Variants in WNT16 observed in about 807,000 individuals in gnomAD.
WNT16 encodes the protein protein Wnt-16.
Under a neutral mutation model 35.4 loss-of-function variants are expected in WNT16, and 20 were observed. The observed-to-expected ratio is 0.56, with a 90% CI of 0.40 to 0.82. The LOEUF is 0.82. Ranked by LOEUF, WNT16 falls within the 40% of genes least tolerant of loss-of-function variation. The pLI is 0.00. For missense variants in WNT16, 461 were observed against 466.0 expected, an observed-to-expected ratio of 0.99 and a Z score of 0.10; for synonymous variants, 180 against 179.2, an observed-to-expected ratio of 1.00 and a Z score of -0.03.
At chr7:121,332,237 C>CGTGTGTGTGTGTGTGTGTGTGTGT (rs56219125) in intron 3 of WNT16, among the ~76,000 whole-genome samples, 9 of 151,248 alleles carry the variant, frequency 6.0e-5, no homozygotes, top group Non-Finnish European at 1.2e-4. Flanking sequence ...AATAAATATA[C>CGTGTGTGTGTGTGTGTGTGTGTGT]GTGTGTGTGT....
At position 121,340,555 on chromosome 7, in the gene WNT16, G is replaced by A. The variant is rs1222820797; in HGVS notation, c.*1210G>A. On this transcript the variant is annotated 3_prime_UTR_variant, in exon 4 of 4. Coordinates refer to ENST00000222462, the MANE Select transcript of WNT16 (RefSeq NM_057168.2). ...ATCAAAAATTTGTGTTATTTCAGCA[G>A]TAAGATTAATTGAATTCTCTTTTCA... 1 of 151,906 alleles carries A rather than the reference G, an allele frequency of 6.6e-6. No individual in the cohort carries two copies. The highest frequency in any genetic ancestry group is 1.5e-5 in the Non-Finnish European group (1 of 67,910). The allele number at this position is 151,906 out of a possible 1,614,324, so 9.4% of individuals were successfully genotyped here.
Position 121,339,180 on chromosome 7 carries a change from C to T in WNT16, c.933C>T (p.Asn311=), listed in dbSNP as rs1339142298. Residue 311 remains asparagine, a synonymous_variant, in exon 4 of 4, where the codon AAC becomes AAT. Coordinates refer to ENST00000222462, the MANE Select transcript of WNT16 (RefSeq NM_057168.2). ...GIPGTQGREC[N]RTSEGADGCN... ...CAGGGACACAAGGCAGAGAATGCAA[C>T]CGTACATCAGAGGGTGCAGATGGCT... The T allele has an allele frequency of 6.2e-7, 1 of 1,614,200 alleles. No individual in the cohort carries two copies. The highest frequency in any genetic ancestry group is 1.7e-5 in the Admixed American group (1 of 60,014).
At position 121,331,785 on chromosome 7, in the gene WNT16, A is replaced by C. The variant is rs1793813628; in HGVS notation, c.454A>C (p.Thr152Pro). ...CATGACAGAGTGTTCCTGTGACACC[A>C]CCTTGCAGAACGGCGGCTCAGCAAG... is the stretch of plus-strand genomic sequence containing the variant. ...GNMTECSCDT[T>P]LQNGGSASEG... is the part of the protein sequence containing the mutation. Residue 152 changes from threonine (T) to proline (P), a missense_variant, in exon 3 of 4, where the codon ACC becomes CCC. Thr to Pro is a conservative substitution (Grantham distance 38, BLOSUM62 -1). Transcript: ENST00000222462. The C allele has an allele frequency of 6.2e-7, 1 of 1,614,082 alleles. No homozygotes were observed. Among genetic ancestry groups the C allele is most frequent in the South Asian group, 1.1e-5 (1 of 91,084 alleles).
In WNT16 at chr7:121,329,575, G is replaced by C; in HGVS notation, c.104G>C (p.Gly35Ala). The C allele has an allele frequency of 6.2e-7, 1 of 1,614,242 alleles. No individual in the cohort carries two copies. The highest frequency in any genetic ancestry group is 8.5e-7 in the Non-Finnish European group (1 of 1,180,030). ...GCGGCCGTGTCTTACAGGTGGTTGG[G>C]CATTGCCTCCTTCGGGGTTCCAGAG... is the stretch of plus-strand genomic sequence containing the variant. ...YGAQGNWMWLGIASFGVPEKL... is the reference protein window; with the variant it reads ...YGAQGNWMWLAIASFGVPEKL... Residue 35 changes from glycine (G) to alanine (A), a missense_variant, in exon 2 of 4, where the codon GGC becomes GCC. Physicochemically the swap from Gly to Ala is moderately conservative, Grantham distance 60 (BLOSUM62 0). Coordinates refer to ENST00000222462, the MANE Select transcript of WNT16 (RefSeq NM_057168.2).
upstream of WNT16, among the ~76,000 whole-genome samples, chr7:121,325,882 A>T (rs1793237086): frequency 6.6e-6 from 1 of 151,872 alleles, no homozygotes; most frequent in African/African-American, 2.4e-5. Context: ...CTCTACACAA[A>T]ATAAAAAATA....
intron 3 of WNT16, among the ~76,000 whole-genome samples, chr7:121,337,977 ATTTT>A (rs1307517770): frequency 6.6e-6 from 1 of 152,168 alleles, no homozygotes; most frequent in Non-Finnish European, 1.5e-5. Context: ...TTTTGAATTA[ATTTT>A]CCAGAAAAGG....
At chr7:121,332,716 C>T (rs1793372547) in intron 3 of WNT16, among the ~76,000 whole-genome samples, 1 of 151,850 alleles carries the variant, frequency 6.6e-6, no homozygotes, top group Admixed American at 6.6e-5. Flanking sequence ...TATTATAAAG[C>T]AATGTAGGTT....
At chr7:121,330,430 G>T (rs1236709162) in intron 2 of WNT16, among the ~76,000 whole-genome samples, 1 of 152,174 alleles carries the variant, frequency 6.6e-6, no homozygotes, top group Non-Finnish European at 1.5e-5. Context: ...CCCGCGGCGC[G>T]GGAAGCTGCA....
chr7:121,331,718 A>T lies in WNT16; in HGVS notation c.387A>T (p.Ala129=). The change falls in exon 3 of 4, where the codon GCA becomes GCT. Residue 129 remains alanine, a synonymous_variant. Transcript: ENST00000222462. ...CATTTATTTATGCTGTGATGGCTGC[A>T]GGCCTGGTGCATTCTGTGACCAGGT... ...ETAFIYAVMA[A]GLVHSVTRSC... is the part of the protein sequence containing the mutation. 1 of 1,614,018 alleles carries T rather than the reference A, an allele frequency of 6.2e-7. No homozygotes were observed. The highest frequency in any genetic ancestry group is 8.5e-7 in the Non-Finnish European group (1 of 1,179,876).
rs115155201 is a variant in WNT16 at position 121,339,056 on chromosome 7, G to C, written c.809G>C (p.Arg270Thr). The C allele has an allele frequency of 1.3e-5, 21 of 1,614,134 alleles. No individual in the cohort carries two copies. Among genetic ancestry groups the C allele is most frequent in the Non-Finnish European group, 1.8e-5 (21 of 1,180,012 alleles). ...SDKTKRKMRRREKDQRKIPIH... is the reference protein window; with the variant it reads ...SDKTKRKMRRTEKDQRKIPIH... ...AAAACAAAGAGGAAAATGCGCAGGA[G>C]AGAAAAAGATCAGAGGAAAATACCA... is the stretch of plus-strand genomic sequence containing the variant. Residue 270 changes from arginine (R) to threonine (T), a missense_variant, in exon 4 of 4, where the codon AGA becomes ACA. Arg to Thr is a moderately conservative substitution (Grantham distance 71). Transcript: ENST00000222462.
rs769835842 is a variant in WNT16 at position 121,339,226 on chromosome 7, C to A, written c.979C>A (p.Arg327=). 4.3e-6 allele frequency: 7 copies of A among 1,613,898 alleles called. No individual in the cohort carries two copies. The African/African-American group carries it at 6.7e-5, about 15-fold the overall frequency. The change falls in exon 4 of 4, where the codon CGA becomes AGA. Residue 327 remains arginine (R), a synonymous_variant. Coordinates refer to ENST00000222462, the MANE Select transcript of WNT16 (RefSeq NM_057168.2). ...ADGCNLLCCG[R]GYNTHVVRHV... ...TGGCTGCAACCTCCTCTGCTGTGGC[C>A]GAGGTTACAACACCCATGTGGTCAG...
chr7:121,327,928 A>G (rs1209395927), upstream of WNT16, among the ~76,000 whole-genome samples: 2 of 152,164 alleles, frequency 1.3e-5, no homozygotes, highest in Non-Finnish European at 2.9e-5. Flanking sequence ...CTTCTGAACT[A>G]TCTTCGGCTC....
upstream of WNT16, chr7:121,328,994 T>C: frequency 8.8e-7 from 1 of 1,131,624 alleles, no homozygotes; most frequent in Non-Finnish European, 1.1e-6. Flanking sequence ...GAGACGCGGA[T>C]ACATCAACAG....
chr7:121,337,162 A>G (rs1793457944), intron 3 of WNT16, among the ~76,000 whole-genome samples: 1 of 152,184 alleles, frequency 6.6e-6, no homozygotes, highest in African/African-American at 2.4e-5. Flanking sequence ...ATCGCAGGAC[A>G]CCTTTTGCCC....
rs75985951 is a variant in WNT16, at chr7:121,334,454, T to C, written c.633+2490T>C. On this transcript the variant is annotated intron_variant, in intron 3 of 3. Coordinates refer to ENST00000222462, the MANE Select transcript of WNT16 (RefSeq NM_057168.2). ...TAAAAGAGGTTTCCTGGTTATTATC[T>C]AACATGGATGAGCAATCAACTCAAT... 8.2e-4 allele frequency among the ~76,000 whole-genome samples: 125 copies of C among 152,238 alleles called. 2 individuals are homozygous for C. In the East Asian group the frequency reaches 0.021, roughly 26 times the overall value.
At position 121,336,108 on chromosome 7, in the gene WNT16, G is replaced by A. The variant is rs1009829852; in HGVS notation, c.634-2773G>A. Among the ~76,000 whole-genome samples, 3 of 150,598 alleles carry A rather than the reference G, an allele frequency of 2.0e-5. No homozygotes were observed. In the East Asian group the frequency reaches 5.9e-4, roughly 29 times the overall value. On this transcript the variant is annotated intron_variant, in intron 3 of 3. Transcript: ENST00000222462. Reference sequence around the variant, plus strand: ...TTTATTCTAATTCCAGATTGTCCAAGTTCTTTCCTTGGAATATTATGGGGG... The same window carrying A: ...TTTATTCTAATTCCAGATTGTCCAAATTCTTTCCTTGGAATATTATGGGGG...
intron 3 of WNT16, among the ~76,000 whole-genome samples, chr7:121,335,984 CTTTGTGTGTG>C (rs1304663655): frequency 2.5e-5 from 3 of 117,882 alleles, no homozygotes; most frequent in Non-Finnish European, 5.3e-5. Context: ...TAGAATTAAA[CTTTGTGTGTG>C]TGTGTGTGTG....
chr7:121,340,128 G>C lies in WNT16; in HGVS notation c.*783G>C, dbSNP rs1231996707. On this transcript the variant is annotated 3_prime_UTR_variant, in exon 4 of 4. Transcript: ENST00000222462. ...CTTTTATCACAGATCAGTTTCAACT[G>C]TTAAAAACCCACCTCTGAGATACTG... 4 of 152,114 alleles carry C rather than the reference G, an allele frequency of 2.6e-5. No homozygotes were observed. The highest frequency in any genetic ancestry group is 6.6e-5 in the Admixed American group (1 of 15,264). 9.4% of individuals were successfully genotyped at this position (152,114 alleles called of 1,614,324 possible).
chr7:121,328,860 G>A, upstream of WNT16: 1 of 223,516 alleles, frequency 4.5e-6, no homozygotes, highest in Non-Finnish European at 7.6e-6. Flanking sequence ...CGCCCCCCGC[G>A]GAGCCGCTCT....
Sources: gnomAD v4.1 joint callset for allele counts (sites outside exome capture counted in the v4.1 genomes callset) on GRCh38, gnomAD v4.1.1 for gene constraint, MANE v1.5 for transcripts, NCBI Gene and HGNC (gene_info 2026-07-23, HGNC 2026-07-21) for gene names.